The following AFG2A variants were observed in gnomAD, a reference collection of about 807,000 sequenced individuals.
AFG2A encodes the protein ATPase family gene 2 protein homolog A.
chr4:123,049,256 G>A, the AFG2A span, among the ~76,000 whole-genome samples: 1 of 151,986 alleles, frequency 6.6e-6, no homozygotes, highest in African/African-American at 2.4e-5. Flanking sequence ...TATTGAGTTT[G>A]GTTTGCTAGT....
chr4:123,066,256 G>A, the AFG2A span, among the ~76,000 whole-genome samples: 3 of 152,084 alleles, frequency 2.0e-5, no homozygotes. Context: ...CCAGATTTGA[G>A]GTAAATTCAA....
chr4:123,110,987 A>G, the AFG2A span, among the ~76,000 whole-genome samples: 1 of 152,214 alleles, frequency 6.6e-6, no homozygotes, highest in South Asian at 2.1e-4. Flanking sequence ...TTTATGTGTT[A>G]GAAAACTTAT....
At chr4:123,018,170 G>A in the AFG2A span, among the ~76,000 whole-genome samples, 1 of 152,170 alleles carries the variant, frequency 6.6e-6, no homozygotes, top group East Asian at 1.9e-4. Context: ...TCAGGGACAT[G>A]TTCCTTGGGA....
chr4:123,215,086 CAA>C, the AFG2A span, among the ~76,000 whole-genome samples: 1 of 151,890 alleles, frequency 6.6e-6, no homozygotes, highest in Non-Finnish European at 1.5e-5. Context: ...TTTGAAGACT[CAA>C]AATAATATCA....
At chr4:122,948,538 A>G in the AFG2A span, among the ~76,000 whole-genome samples, 1 of 152,084 alleles carries the variant, frequency 6.6e-6, no homozygotes, top group Admixed American at 6.5e-5. Flanking sequence ...CTGGAGAATC[A>G]CAATTTTCCT....
At chr4:123,031,715 G>A in the AFG2A span, among the ~76,000 whole-genome samples, 1 of 152,176 alleles carries the variant, frequency 6.6e-6, no homozygotes, top group African/African-American at 2.4e-5. Flanking sequence ...CACAATGGTA[G>A]TTACTACTTT....
the AFG2A span, among the ~76,000 whole-genome samples, chr4:122,938,693 C>T: frequency 5.9e-5 from 9 of 152,220 alleles, no homozygotes; most frequent in South Asian, 6.2e-4. Flanking sequence ...CAGGTTCAAG[C>T]GATTCTCCTG....
chr4:123,118,205 C>T, the AFG2A span, among the ~76,000 whole-genome samples: 1 of 149,186 alleles, frequency 6.7e-6, no homozygotes, highest in East Asian at 1.9e-4. Context: ...AACCTTTCCA[C>T]CTTACTTTTA....
chr4:123,220,553 G>A, the AFG2A span, among the ~76,000 whole-genome samples: 1 of 143,856 alleles, frequency 7.0e-6, no homozygotes, highest in Non-Finnish European at 1.5e-5. Context: ...GGCAGGGGTT[G>A]CAGTGAGCTG....
the AFG2A span, among the ~76,000 whole-genome samples, chr4:123,148,122 G>C: frequency 6.6e-6 from 1 of 152,182 alleles, no homozygotes; most frequent in Admixed American, 6.5e-5. Context: ...TGTTGAAAGA[G>C]TTGATGTAAA....
At chr4:123,013,070 G>A in the AFG2A span, among the ~76,000 whole-genome samples, 1 of 152,086 alleles carries the variant, frequency 6.6e-6, no homozygotes, top group South Asian at 2.1e-4. Flanking sequence ...GGAGATAGGG[G>A]TGGGGCCGTT....
At chr4:123,140,427 T>C in the AFG2A span, among the ~76,000 whole-genome samples, 2 of 151,950 alleles carry the variant, frequency 1.3e-5, no homozygotes, top group Non-Finnish European at 2.9e-5. Context: ...TATGATGATA[T>C]GTTAGGCTTA....
the AFG2A span, among the ~76,000 whole-genome samples, chr4:123,032,177 C>A: frequency 6.6e-6 from 1 of 152,050 alleles, no homozygotes; most frequent in Admixed American, 6.5e-5. Context: ...CTTAGTATAT[C>A]CTTGACTTTT....
the AFG2A span, among the ~76,000 whole-genome samples, chr4:123,276,099 A>C: frequency 6.6e-6 from 1 of 152,158 alleles, no homozygotes; most frequent in African/African-American, 2.4e-5. Context: ...TTAAACTCCC[A>C]CCAGTAGTGT....
chr4:123,073,040 A>G, the AFG2A span, among the ~76,000 whole-genome samples: 1 of 152,124 alleles, frequency 6.6e-6, no homozygotes, highest in African/African-American at 2.4e-5. Context: ...CATATTTGAC[A>G]CTTTTTGTGT....
At chr4:122,923,789 A>G in the AFG2A span, among the ~76,000 whole-genome samples, 1 of 152,172 alleles carries the variant, frequency 6.6e-6, no homozygotes, top group African/African-American at 2.4e-5. Flanking sequence ...AGCAGTATAT[A>G]TAGCTCATCT....
the AFG2A span, among the ~76,000 whole-genome samples, chr4:123,209,926 A>T: frequency 6.6e-6 from 1 of 151,906 alleles, no homozygotes; most frequent in Admixed American, 6.6e-5. Context: ...TTTTGATAAT[A>T]CTGTCTCCTC....
At chr4:123,053,138 C>T in the AFG2A span, among the ~76,000 whole-genome samples, 285 of 152,300 alleles carry the variant, frequency 1.9e-3, 2 homozygotes, top group African/African-American at 5.5e-3. Context: ...TAATCTCCTC[C>T]GGCAACATCC....
the AFG2A span, among the ~76,000 whole-genome samples, chr4:123,231,945 C>T: frequency 7.9e-5 from 12 of 151,822 alleles, no homozygotes; most frequent in Non-Finnish European, 1.0e-4. Flanking sequence ...AAAATAATTA[C>T]AGTAAAAACA....
Sources: gnomAD v4.1 joint callset for allele counts (sites outside exome capture counted in the v4.1 genomes callset) on GRCh38, gnomAD v4.1.1 for gene constraint, MANE v1.5 for transcripts, NCBI Gene and HGNC (gene_info 2026-07-23, HGNC 2026-07-21) for gene names.